NEXN: variants seen among roughly 807,000 people sequenced by gnomAD.
NEXN encodes nexilin F-actin binding protein, also known as nexilin.
A neutral mutation model predicts 92.6 loss-of-function variants in NEXN; 65 were observed. The observed-to-expected ratio is 0.70, with a 90% CI of 0.57 to 0.86. The LOEUF is 0.86. Among genes scored for constraint, NEXN ranks in the 40% least tolerant of loss-of-function variants. The pLI is 0.00. For missense variants in NEXN, 778 were observed against 771.1 expected, an observed-to-expected ratio of 1.01 and a Z score of -0.11; for synonymous variants, 254 against 242.5, an observed-to-expected ratio of 1.05 and a Z score of -0.44.
At chr1:77,933,048 C>T (rs555942153) in intron 9 of NEXN, 3 of 354,892 alleles carry the variant, frequency 8.5e-6, no homozygotes, top group African/African-American at 6.4e-5. Flanking sequence ...GTAATCCCAG[C>T]TACTTGGGAG....
At chr1:77,921,332 C>T (rs1052611002) in intron 5 of NEXN, among the ~76,000 whole-genome samples, 2 of 152,100 alleles carry the variant, frequency 1.3e-5, no homozygotes, top group Non-Finnish European at 2.9e-5. Context: ...AACAAAAAAC[C>T]TGGGTTTGGG....
intron 11 of NEXN, among the ~76,000 whole-genome samples, chr1:77,936,459 CAT>C (rs961183201): frequency 2.4e-4 from 37 of 152,204 alleles, no homozygotes; most frequent in African/African-American, 6.7e-4. Context: ...TATTTTTTGG[CAT>C]ATGTTTTAGT....
In NEXN at chr1:77,936,019, A is replaced by G; in HGVS notation, c.1448A>G (p.Glu483Gly). ...AGAGCAATTGACCTTGAAATTAAAG[A>G]GCGAGAAGCTGAAAATTTTCATGAG... The part of the protein sequence containing the change: ...RRRAIDLEIK[E>G]REAENFHEED... Residue 483 changes from glutamate (E) to glycine (G), a missense_variant, in exon 11 of 13, where the codon GAG becomes GGG. Glu to Gly is a moderately conservative substitution (Grantham distance 98). Around this residue, in one of 3 missense-constraint regions of NEXN, gnomAD observed 532 missense variants for 476.7 expected, o/e 1.12. Coordinates refer to ENST00000334785, the MANE Select transcript of NEXN (RefSeq NM_144573.4). 1 of 1,613,596 alleles carries G rather than the reference A, an allele frequency of 6.2e-7. No individual in the cohort carries two copies. The highest frequency in any genetic ancestry group is 8.5e-7 in the Non-Finnish European group (1 of 1,179,704).
chr1:77,922,762 A>T lies in NEXN; in HGVS notation c.448-2426A>T, dbSNP rs538339486. Among the ~76,000 whole-genome samples the T allele has an allele frequency of 7.1e-3, 1,066 of 151,192 alleles. 14 individuals carry two copies. Among genetic ancestry groups the T allele is most frequent in the African/African-American group, 0.025 (1,023 of 41,208 alleles). On this transcript the variant is annotated intron_variant, in intron 5 of 12. Transcript: ENST00000334785. ...AGGCACCTGCCACCACGCCCGGCTA[A>T]TTTTTTGTATTTTTAGCAGAGGCGG... is the stretch of plus-strand genomic sequence containing the variant.
chr1:77,898,459 T>A (rs1248778407), intron 1 of NEXN, among the ~76,000 whole-genome samples: 1 of 152,192 alleles, frequency 6.6e-6, no homozygotes, highest in Non-Finnish European at 1.5e-5. Flanking sequence ...GCTAGCCATA[T>A]GTAGAAAGCT....
intron 1 of NEXN, among the ~76,000 whole-genome samples, chr1:77,906,190 CTG>C (rs1648100811): frequency 6.6e-6 from 1 of 152,054 alleles, no homozygotes; most frequent in African/African-American, 2.4e-5. Context: ...AAAGGAGTGA[CTG>C]AGAGTATCAA....
chr1:77,940,899 T>G (rs1443200352), intron 11 of NEXN, among the ~76,000 whole-genome samples: 2 of 152,152 alleles, frequency 1.3e-5, no homozygotes, highest in Non-Finnish European at 2.9e-5. Context: ...AAAATAGAAT[T>G]TACGCACCAG....
chr1:77,935,267 ACCT>A (rs1190490160), intron 10 of NEXN, among the ~76,000 whole-genome samples: 9 of 152,036 alleles, frequency 5.9e-5, no homozygotes, highest in African/African-American at 2.2e-4. Flanking sequence ...TGAACTCCCG[ACCT>A]CAGGTGATCT....
chr1:77,926,801 G>C lies in NEXN; in HGVS notation c.773G>C (p.Arg258Thr), dbSNP rs1649884232. 1 of 1,613,810 alleles carries C rather than the reference G, an allele frequency of 6.2e-7. No individual in the cohort carries two copies. Among genetic ancestry groups the C allele is most frequent in the African/African-American group, 1.3e-5 (1 of 74,874 alleles). Residue 258 changes from arginine (R) to threonine (T), a missense_variant, in exon 8 of 13, where the codon AGA (arginine) becomes ACA (threonine). By Grantham distance (71) the Arg-to-Thr change is moderately conservative. Around this residue, in one of 3 missense-constraint regions of NEXN, gnomAD observed 10 missense variants for 28.8 expected, o/e 0.35. Coordinates refer to ENST00000334785, the MANE Select transcript of NEXN (RefSeq NM_144573.4). ...KLTFEELERQ[R>T]QENRKKQAEE... ...ACTTTTGAAGAACTGGAGCGACAAA[G>C]ACAAGAAAACCGAAAGAAGCAAGCT...
Position 77,925,232 on chromosome 1 carries a change from A to AATTAAATGCTAATT in NEXN, c.489+4_489+5insTTAAATGCTAATTA. The AATTAAATGCTAATT allele has an allele frequency of 6.3e-7, 1 of 1,591,310 alleles. No homozygotes were observed. Among genetic ancestry groups the AATTAAATGCTAATT allele is most frequent in the Non-Finnish European group, 8.6e-7 (1 of 1,161,024 alleles). On this transcript the variant is annotated splice_donor_region_variant and intron_variant, in intron 6 of 12. Transcript: ENST00000334785. The stretch of plus-strand genomic sequence containing the variant: ...CGGGAACTGAATCAGCATCAGAGGT[A>AATTAAATGCTAATT]AACAGACATTTCCTTTAATGAAACA...
chr1:77,891,317 T>C (rs1304587160), intron 1 of NEXN, among the ~76,000 whole-genome samples: 2 of 152,198 alleles, frequency 1.3e-5, no homozygotes, highest in Non-Finnish European at 1.5e-5. Flanking sequence ...TTTTGATGTA[T>C]TTCCTTTAAG....
At chr1:77,927,232 G>A (rs1193757899) in intron 8 of NEXN, among the ~76,000 whole-genome samples, 3 of 151,726 alleles carry the variant, frequency 2.0e-5, no homozygotes, top group African/African-American at 4.8e-5. Context: ...CTGAGATCAC[G>A]CCATTGCACT....
rs1012309364 is a variant in NEXN at position 77,888,711 on chromosome 1, T to C, written c.-101T>C. On this transcript the variant is annotated 5_prime_UTR_variant, in exon 1 of 13. Transcript: ENST00000334785. ...CCACAGCCAGGCGGGACGCGCACAG[T>C]CCCTCCACGCGGAAAGAAGTACCTT... 6.5e-6 allele frequency: 1 copy of C among 154,508 alleles called. No individual in the cohort carries two copies. Among genetic ancestry groups the C allele is most frequent in the Admixed American group, 6.6e-5 (1 of 15,264 alleles). 9.6% of individuals were successfully genotyped at this position (154,508 alleles called of 1,614,324 possible).
rs755695196 is a variant in NEXN at position 77,943,676 on chromosome 1, CA to C, written c.*849del. The C allele has an allele frequency of 6.6e-6, 1 of 151,874 alleles. No homozygotes were observed. The highest frequency in any genetic ancestry group is 2.4e-5 in the African/African-American group (1 of 41,370). The allele number at this position is 151,874 out of a possible 1,614,324, so 9.4% of individuals were successfully genotyped here. A position where few individuals can be genotyped will look rare whatever the true frequency, so the allele number is the denominator to read the frequency against. ...AAAAACTTTCTATTAATAGTTCACG[CA>C]AGAGAAAACACTTTCAACATAGTCG... On this transcript the variant is annotated 3_prime_UTR_variant, in exon 13 of 13. Coordinates refer to ENST00000334785, the MANE Select transcript of NEXN (RefSeq NM_144573.4).
At chr1:77,939,589 TAAC>T (rs1437656239) in intron 11 of NEXN, among the ~76,000 whole-genome samples, 2 of 152,190 alleles carry the variant, frequency 1.3e-5, no homozygotes, top group Non-Finnish European at 2.9e-5. Context: ...ATGTAGGTAA[TAAC>T]AAAAATAAGA....
intron 5 of NEXN, among the ~76,000 whole-genome samples, chr1:77,921,910 C>G (rs935557667): frequency 2.0e-5 from 3 of 152,066 alleles, no homozygotes; most frequent in Non-Finnish European, 2.9e-5. Context: ...CAAGACCCTG[C>G]TGTCTCTACA....
chr1:77,929,225 GATAGTGGCTA>G, intron 8 of NEXN, 81 bp from the exon 9 acceptor site: 1 of 878,504 alleles, frequency 1.1e-6, no homozygotes, highest in South Asian at 1.4e-5. Flanking sequence ...ACTCCTGTGT[GATAGTGGCTA>G]ATTCTGTGCC....
At chr1:77,920,952 T>A (rs1649374967) in intron 5 of NEXN, among the ~76,000 whole-genome samples, 1 of 152,212 alleles carries the variant, frequency 6.6e-6, no homozygotes, top group Non-Finnish European at 1.5e-5. Flanking sequence ...AACTTCTGAA[T>A]ATCTGGTCTC....
chr1:77,938,800 A>T (rs760236886), intron 11 of NEXN, among the ~76,000 whole-genome samples: 89 of 152,188 alleles, frequency 5.8e-4, no homozygotes, highest in Non-Finnish European at 1.2e-3. Context: ...CAGATAGAGG[A>T]GAAGCCTTCC....
Sources: gnomAD v4.1 joint callset for allele counts (sites outside exome capture counted in the v4.1 genomes callset) on GRCh38, gnomAD v4.1.1 for gene constraint, gnomAD v4.1.1 regional missense constraint, MANE v1.5 for transcripts, NCBI Gene and HGNC (gene_info 2026-07-23, HGNC 2026-07-21) for gene names.